RPS6KA2: variants seen among roughly 807,000 people sequenced by gnomAD.
The protein encoded by RPS6KA2 is ribosomal protein S6 kinase A2, also known as ribosomal protein S6 kinase alpha-2.
A neutral mutation model predicts 91.8 loss-of-function variants in RPS6KA2; 42 were observed. The ratio of observed to expected loss-of-function variants is 0.46; its 90% CI spans 0.36 to 0.59. The LOEUF (loss-of-function observed/expected upper bound fraction) is 0.59, where lower values mean the gene tolerates loss of function less well. RPS6KA2 is among the 20% of genes least tolerant of loss of function. RPS6KA2 has a pLI of 0.00. For missense variants in RPS6KA2, 798 were observed against 978.5 expected, an observed-to-expected ratio of 0.82 and a Z score of 2.46; for synonymous variants, 414 against 393.6, an observed-to-expected ratio of 1.05 and a Z score of -0.61.
chr6:166,419,986 C>A lies in RPS6KA2; in HGVS notation c.1744-28G>T, dbSNP rs771671284. 3 of 1,598,710 alleles carry A rather than the reference C, an allele frequency of 1.9e-6. No individual in the cohort carries two copies. Among genetic ancestry groups the A allele is most frequent in the African/African-American group, 1.3e-5 (1 of 74,616 alleles). On this transcript the variant is annotated intron_variant, in intron 17 of 20. Coordinates refer to ENST00000265678, the MANE Select transcript of RPS6KA2 (RefSeq NM_021135.6). This position sits in a 1 kb window ranked among gnomAD's most constrained non-coding sequence, Gnocchi z 5.6. ...AGGAGGGAACGACAGGACACCGGCA[C>A]GCCCTTCACTAAGGACATTCAGATT...
At chr6:166,455,697 G>A (rs546815748) in intron 12 of RPS6KA2, among the ~76,000 whole-genome samples, 2 of 152,316 alleles carry the variant, frequency 1.3e-5, no homozygotes, top group South Asian at 2.1e-4. Context: ...GCTCTGCTTC[G>A]CGGCACACGG....
chr6:166,501,429 C>T (rs1335404561), intron 6 of RPS6KA2, among the ~76,000 whole-genome samples: 1 of 152,208 alleles, frequency 6.6e-6, no homozygotes, highest in Non-Finnish European at 1.5e-5. Flanking sequence ...CCTGCACAAG[C>T]GGGGGCCAAG....
At chr6:166,633,360 G>A (rs1378072084) in intron 2 of RPS6KA2, among the ~76,000 whole-genome samples, 1 of 152,232 alleles carries the variant, frequency 6.6e-6, no homozygotes, top group African/African-American at 2.4e-5. Flanking sequence ...CTCAGAGCTA[G>A]CAGTACTTTG....
At chr6:166,731,731 C>G (rs78189747) in intron 2 of RPS6KA2, among the ~76,000 whole-genome samples, 6,285 of 152,066 alleles carry the variant, frequency 0.041, 162 homozygotes, top group East Asian at 0.091. Flanking sequence ...CTTCTGTAAT[C>G]TGCGACCAGA....
At chr6:166,773,824 A>C (rs1285941159) in intron 2 of RPS6KA2, among the ~76,000 whole-genome samples, 5 of 152,224 alleles carry the variant, frequency 3.3e-5, no homozygotes, top group Non-Finnish European at 7.3e-5. Context: ...GAAGAAAAAA[A>C]AACTACCGTT....
At chr6:166,817,723 TC>T (rs368611002) in intron 2 of RPS6KA2, among the ~76,000 whole-genome samples, 18,749 of 145,038 alleles carry the variant, frequency 0.13, 1,386 homozygotes, top group East Asian at 0.27. Flanking sequence ...TTTCTTTTTT[TC>T]TTTTTTTTTT....
intron 2 of RPS6KA2, among the ~76,000 whole-genome samples, chr6:166,802,865 A>G (rs938650454): frequency 6.6e-6 from 1 of 152,140 alleles, no homozygotes; most frequent in East Asian, 1.9e-4. Context: ...ATAATGTTAA[A>G]TTAAATGTTT....
intron 2 of RPS6KA2, among the ~76,000 whole-genome samples, chr6:166,688,465 G>A (rs1789092298): frequency 6.6e-6 from 1 of 152,216 alleles, no homozygotes; most frequent in Non-Finnish European, 1.5e-5. Flanking sequence ...ACGGGTGGCT[G>A]GGTTCACAAG....
chr6:166,776,993 T>C (rs942053575), intron 2 of RPS6KA2, among the ~76,000 whole-genome samples: 10 of 152,148 alleles, frequency 6.6e-5, no homozygotes, highest in African/African-American at 1.9e-4. Flanking sequence ...TTTGGAGAAA[T>C]GTCTACTTAA....
intron 2 of RPS6KA2, among the ~76,000 whole-genome samples, chr6:166,670,317 C>T (rs1226623552): frequency 6.6e-6 from 1 of 152,206 alleles, no homozygotes; most frequent in Non-Finnish European, 1.5e-5. Context: ...GGGAGTGATT[C>T]CCCAACGTCA....
At chr6:166,654,882 A>G (rs1562366537) in intron 2 of RPS6KA2, among the ~76,000 whole-genome samples, 2 of 152,168 alleles carry the variant, frequency 1.3e-5, no homozygotes, top group Non-Finnish European at 2.9e-5. Flanking sequence ...AACCTTTCCC[A>G]TCGTAATTAA....
intron 11 of RPS6KA2, among the ~76,000 whole-genome samples, chr6:166,461,530 TGGGGAGA>T (rs1464130217): frequency 1.3e-4 from 5 of 39,672 alleles, no homozygotes; most frequent in Non-Finnish European, 1.9e-4. Flanking sequence ...TGGGGAGAGA[TGGGGAGA>T]GAGGGGGTGG....
chr6:166,464,642 C>G (rs1204183303), intron 11 of RPS6KA2, among the ~76,000 whole-genome samples: 2 of 152,304 alleles, frequency 1.3e-5, no homozygotes, highest in Non-Finnish European at 2.9e-5. Context: ...CAGTGATTAA[C>G]TTTTACGAAG....
At chr6:166,672,268 A>T (rs1788492902) in intron 2 of RPS6KA2, among the ~76,000 whole-genome samples, 1 of 152,158 alleles carries the variant, frequency 6.6e-6, no homozygotes, top group Non-Finnish European at 1.5e-5. Context: ...TGAGTGCTGC[A>T]TACCTCCTGC....
chr6:166,571,381 A>G (rs1172808435), intron 1 of RPS6KA2, among the ~76,000 whole-genome samples: 1 of 152,266 alleles, frequency 6.6e-6, no homozygotes, highest in African/African-American at 2.4e-5. Flanking sequence ...CTCACCCTAA[A>G]AGCAACAGCA....
rs541112265 is a variant in RPS6KA2 at position 166,550,799 on chromosome 6, G to C, written c.100-12015C>G. Reference sequence around the variant, plus strand: ...GGTCAGATCACAAGGTCAGGAGATCGACACCATCCTGGCTAACACGGTGAA... The same window carrying C: ...GGTCAGATCACAAGGTCAGGAGATCCACACCATCCTGGCTAACACGGTGAA... On this transcript the variant is annotated intron_variant, in intron 1 of 20. Transcript: ENST00000265678. Among the ~76,000 whole-genome samples, 122 of 151,980 alleles carry C rather than the reference G, an allele frequency of 8.0e-4. 1 individual carries two copies. In the East Asian group the frequency reaches 0.014, roughly 18 times the overall value.
In RPS6KA2 at chr6:166,733,097, G is replaced by A. The variant is rs1372973503; in HGVS notation, c.123+125103C>T. On this transcript the variant is annotated intron_variant, in intron 2 of 21. Coordinates refer to the RPS6KA2 transcript ENST00000503859. The surrounding 1 kb of genome is among the most constrained non-coding windows in gnomAD (Gnocchi z 4.1). ...AGGGTGAGATGCTCTGCCCCCTGTG[G>A]ATCGAGCCTACCCTGTACTCAGGGC... Among the ~76,000 whole-genome samples, 2 of 152,142 alleles carry A rather than the reference G, an allele frequency of 1.3e-5. No individual in the cohort carries two copies. Among genetic ancestry groups the A allele is most frequent in the East Asian group, 3.8e-4 (2 of 5,198 alleles).
intron 10 of RPS6KA2, among the ~76,000 whole-genome samples, chr6:166,486,430 G>T (rs1419137085): frequency 1.3e-5 from 2 of 152,152 alleles, no homozygotes; most frequent in South Asian, 4.2e-4. Context: ...CAGTGACTTG[G>T]GGCTGCTCTG....
intron 2 of RPS6KA2, among the ~76,000 whole-genome samples, chr6:166,811,037 A>G (rs551162228): frequency 3.3e-5 from 5 of 152,354 alleles, no homozygotes; most frequent in Admixed American, 2.0e-4. Context: ...TTCAGACAGC[A>G]CAGTTTCTTA....
Sources: gnomAD v4.1 joint callset for allele counts (sites outside exome capture counted in the v4.1 genomes callset) on GRCh38, gnomAD v4.1.1 for gene constraint, Gnocchi (gnomAD v3.1) non-coding constraint, MANE v1.5 for transcripts, NCBI Gene and HGNC (gene_info 2026-07-23, HGNC 2026-07-21) for gene names.